The following TSBP1 variants were observed in gnomAD, a reference collection of about 807,000 sequenced individuals.
TSBP1 encodes the protein testis-expressed basic protein 1.
A neutral mutation model predicts 68.8 loss-of-function variants in TSBP1; 56 were observed. The observed-to-expected ratio is 0.81, with a 90% CI of 0.66 to 1.02. The LOEUF is 1.02. TSBP1 is among the 50% of genes least tolerant of loss of function. The pLI is 0.00. For synonymous variants in TSBP1, 171 were observed against 208.7 expected (o/e 0.82, Z 1.56); for missense variants, 502 against 641.2 (o/e 0.78, Z 2.34).
chr6:32,314,417 C>A lies in TSBP1; in HGVS notation c.580+1355G>T, dbSNP rs1239562705. On this transcript the variant is annotated intron_variant, in intron 19 of 22. Transcript: ENST00000612031. The surrounding 1 kb of genome is among the most constrained non-coding windows in gnomAD (Gnocchi z 4.2). ...GAGACCAATAATCCCTTCTCCTGAA[C>A]TTTGGTGGGCCTTGGTCTCTGTTCC... Among the ~76,000 whole-genome samples the A allele has an allele frequency of 2.6e-5, 4 of 152,224 alleles. No homozygotes were observed. In the East Asian group the frequency reaches 7.7e-4, roughly 29 times the overall value.
rs143188052 is a variant in TSBP1 at position 32,293,951 on chromosome 6, C to G, written c.722G>C (p.Arg241Thr). 474 of 1,612,558 alleles carry G rather than the reference C, an allele frequency of 2.9e-4. 1 individual carries two copies. The highest frequency in any genetic ancestry group is 2.6e-4 in the Non-Finnish European group (308 of 1,179,908). The change falls in exon 23 of 23, where the codon AGG becomes ACG. Residue 241 changes from arginine to threonine, a missense_variant. Coordinates refer to ENST00000612031, the Ensembl canonical transcript of TSBP1. ...GTTTTCTTCTCGGCTATTCTGAGAC[C>G]TTGCAGTGCCTCCACATTTTAGAAT...
Position 32,299,949 on chromosome 6 carries a change from C to T in TSBP1, c.623-13G>A. ...ACAGGAGTCAGTGCTAAAAACAAAA[C>T]ACAAAAGAAAGATCAGTGAGGATTT... On this transcript the variant is annotated splice_polypyrimidine_tract_variant and intron_variant, in intron 21 of 22. Transcript: ENST00000612031. 1 of 1,607,228 alleles carries T rather than the reference C, an allele frequency of 6.2e-7. No individual in the cohort carries two copies. Among genetic ancestry groups the T allele is most frequent in the Non-Finnish European group, 8.5e-7 (1 of 1,174,104 alleles).
intron 6 of TSBP1, among the ~76,000 whole-genome samples, chr6:32,362,985 G>T (rs749143215): frequency 2.0e-5 from 3 of 151,996 alleles, no homozygotes; most frequent in Non-Finnish European, 2.9e-5. Flanking sequence ...ACTGAAGTCC[G>T]CTACGGTTAT....
At chr6:32,355,616 C>A (rs1339239897) in intron 7 of TSBP1, 33 bp downstream of exon 7, 3 of 1,589,874 alleles carry the variant, frequency 1.9e-6, no homozygotes, top group Admixed American at 3.5e-5. Context: ...TAATAGGAAG[C>A]AAATTTTTGT....
chr6:32,294,236 T>C (rs1764475626), intron 22 of TSBP1: 7 of 670,224 alleles, frequency 1.0e-5, no homozygotes, highest in Non-Finnish European at 1.8e-5. Context: ...TTTTCAATAA[T>C]TTGGAAGATT....
At chr6:32,293,305 G>A in exon 23 of TSBP1, 2 of 1,612,204 alleles carry the variant, frequency 1.2e-6, no homozygotes, top group Non-Finnish European at 1.7e-6. Context: ...TCTTTACTTG[G>A]GATTCTGGTC....
intron 18 of TSBP1, among the ~76,000 whole-genome samples, chr6:32,322,031 G>A (rs72849457): frequency 0.047 from 7,139 of 152,212 alleles, 300 homozygotes; most frequent in Non-Finnish European, 0.058. Flanking sequence ...ACCTGCCTGG[G>A]CTCTTTTGGC....
chr6:32,350,169 C>A (rs767132387), intron 8 of TSBP1: 1 of 487,204 alleles, frequency 2.1e-6, no homozygotes, highest in Non-Finnish European at 4.0e-6. Flanking sequence ...TCCCTTTGTT[C>A]GAAAAGATTT....
intron 9 of TSBP1, among the ~76,000 whole-genome samples, chr6:32,342,656 A>G (rs933667649): frequency 4.6e-5 from 7 of 152,246 alleles, no homozygotes; most frequent in Non-Finnish European, 1.0e-4. Flanking sequence ...TAAATTGAAA[A>G]TAATTAACAA....
At position 32,366,206 on chromosome 6, in the gene TSBP1, A is replaced by T. The variant is rs755203372; in HGVS notation, c.197-19T>A. 2 of 1,593,318 alleles carry T rather than the reference A, an allele frequency of 1.3e-6. No homozygotes were observed. The highest frequency in any genetic ancestry group is 4.5e-5 in the East Asian group (2 of 44,678). ...GAAGTGTCTAGAGAATTGAAGAAAA[A>T]TTATAAGATTCTTAATTTCTCATAA... On this transcript the variant is annotated intron_variant, in intron 5 of 22. Coordinates refer to ENST00000612031, the Ensembl canonical transcript of TSBP1.
At position 32,299,912 on chromosome 6, in the gene TSBP1, T is replaced by C. The variant is rs1765109245; in HGVS notation, c.637+10A>G. The stretch of plus-strand genomic sequence containing the variant: ...AAAATATCAGAGTTGAGAATAGATA[T>C]GGAACTTACCCACAGGAGTCAGTGC... On this transcript the variant is annotated intron_variant, in intron 22 of 22. Coordinates refer to ENST00000612031, the Ensembl canonical transcript of TSBP1. 6.2e-7 allele frequency: 1 copy of C among 1,604,098 alleles called. No homozygotes were observed. The highest frequency in any genetic ancestry group is 8.5e-7 in the Non-Finnish European group (1 of 1,170,898).
intron 1 of TSBP1, among the ~76,000 whole-genome samples, chr6:32,370,837 G>C (rs1293102870): frequency 2.1e-5 from 1 of 48,148 alleles, no homozygotes; most frequent in Non-Finnish European, 4.6e-5. Flanking sequence ...ATGAAGGATC[G>C]GGGGAGAAAA....
intron 9 of TSBP1, among the ~76,000 whole-genome samples, chr6:32,348,736 T>C (rs1186100081): frequency 6.6e-6 from 1 of 152,190 alleles, no homozygotes. Context: ...AAATAATATC[T>C]TTAAATTTCA....
At chr6:32,311,817 C>T (rs114328600) in intron 19 of TSBP1, among the ~76,000 whole-genome samples, 6,005 of 152,144 alleles carry the variant, frequency 0.039, 338 homozygotes, top group African/African-American at 0.12. Context: ...CAACCCATCT[C>T]CTGGTTGAAT....
chr6:32,328,373 G>T (rs1468845639), intron 16 of TSBP1, among the ~76,000 whole-genome samples: 4 of 150,958 alleles, frequency 2.6e-5, no homozygotes. Context: ...TCTGCCTCCT[G>T]AGTAGCTGAG....
intron 14 of TSBP1, among the ~76,000 whole-genome samples, chr6:32,334,554 G>A (rs1769420129): frequency 1.3e-5 from 2 of 152,220 alleles, no homozygotes; most frequent in East Asian, 1.9e-4. Flanking sequence ...CTCTAAATAT[G>A]GGGATAATAA....
chr6:32,341,175 A>T (rs1222914084), intron 9 of TSBP1, among the ~76,000 whole-genome samples: 1 of 152,174 alleles, frequency 6.6e-6, no homozygotes, highest in African/African-American at 2.4e-5. Flanking sequence ...GAAGGTATTT[A>T]CTTGTTGCCT....
rs1346754610 is a variant in TSBP1, at chr6:32,343,778, T to A, written c.350-4140A>T. Among the ~76,000 whole-genome samples, 12 of 152,226 alleles carry A rather than the reference T, an allele frequency of 7.9e-5. No individual in the cohort carries two copies. On this transcript the variant is annotated intron_variant, in intron 9 of 22. Transcript: ENST00000612031. This position sits in a 1 kb window ranked among gnomAD's most constrained non-coding sequence, Gnocchi z 4.3. ...ATTCTTTACAATTTTCTCTTCTTTC[T>A]GAATATTCCTTAAACATTTTTTTCT...
chr6:32,332,092 T>A, intron 14 of TSBP1, 38 bp from the exon 16 acceptor site: 1 of 1,516,418 alleles, frequency 6.6e-7, no homozygotes, highest in Admixed American at 1.7e-5. Context: ...AGTACAGTTA[T>A]TTGGAGAGTG....
Sources: gnomAD v4.1 joint callset for allele counts (sites outside exome capture counted in the v4.1 genomes callset) on GRCh38, gnomAD v4.1.1 for gene constraint, Gnocchi (gnomAD v3.1) non-coding constraint, MANE v1.5 for transcripts, NCBI Gene and HGNC (gene_info 2026-07-23, HGNC 2026-07-21) for gene names.